ERI1: variants seen among roughly 807,000 people sequenced by gnomAD.
The protein encoded by ERI1 is 3'-5' exoribonuclease 1.
A neutral mutation model predicts 39.7 loss-of-function variants in ERI1; 39 were observed. The ratio of observed to expected loss-of-function variants is 0.98; its 90% CI spans 0.76 to 1.28. ERI1 has a LOEUF of 1.28. ERI1 is among the 50% of genes most tolerant of loss of function. The probability of loss-of-function intolerance (pLI) is 0.00; values close to 1 mark genes in which losing one functional copy is unlikely to be tolerated. For synonymous variants in ERI1, 204 were observed against 149.6 expected (o/e 1.36, Z -2.65); for missense variants, 581 against 416.9 (o/e 1.39, Z -3.43).
At chr8:9,037,165 C>G (rs988959100), downstream of ERI1, among the ~76,000 whole-genome samples, 1 of 152,194 alleles carries the variant, frequency 6.6e-6, no homozygotes, top group Non-Finnish European at 1.5e-5. Flanking sequence ...TGGGATAAAA[C>G]TCAGCTCTCT....
intron 3 of ERI1, among the ~76,000 whole-genome samples, chr8:9,095,317 G>A (rs955348506): frequency 6.6e-6 from 1 of 152,088 alleles, no homozygotes; most frequent in African/African-American, 2.4e-5. Context: ...TAGTGAACAT[G>A]GTACCCAGTA....
intron 3 of ERI1, among the ~76,000 whole-genome samples, chr8:9,041,405 G>A (rs539802866): frequency 1.7e-4 from 26 of 152,294 alleles, no homozygotes; most frequent in Non-Finnish European, 2.9e-4. Flanking sequence ...TCGGCACATG[G>A]AACATTCTCC....
At chr8:9,026,608 C>T (rs1467906529) in intron 6 of ERI1, among the ~76,000 whole-genome samples, 4 of 152,090 alleles carry the variant, frequency 2.6e-5, no homozygotes, top group Admixed American at 6.6e-5. Flanking sequence ...TATTTACGGG[C>T]TGAGTATACC....
At chr8:9,095,482 T>TTTG (rs555655226) in intron 3 of ERI1, among the ~76,000 whole-genome samples, 3 of 132,596 alleles carry the variant, frequency 2.3e-5, no homozygotes, top group South Asian at 5.1e-4. Context: ...GGACAGGTCT[T>TTTG]TTGTTGTTGT....
At chr8:9,071,680 C>A (rs1799056301) in intron 3 of ERI1, among the ~76,000 whole-genome samples, 1 of 152,216 alleles carries the variant, frequency 6.6e-6, no homozygotes, top group South Asian at 2.1e-4. Context: ...ATGGCCGATG[C>A]CTTCCTTTAA....
intron 3 of ERI1, 70 bp from the exon 4 acceptor site, chr8:9,016,252 T>G (rs1817270182): frequency 2.3e-6 from 2 of 860,616 alleles, no homozygotes; most frequent in Admixed American, 2.5e-5. Context: ...TGTGATGAAT[T>G]CGTCGTGTAT....
intron 3 of ERI1, among the ~76,000 whole-genome samples, chr8:9,066,232 T>A (rs1798874652): frequency 6.6e-6 from 1 of 152,166 alleles, no homozygotes; most frequent in African/African-American, 2.4e-5. Context: ...TTTTCTTCAT[T>A]GGGGTTCCCA....
chr8:9,054,376 A>G (rs1435123998), intron 3 of ERI1, among the ~76,000 whole-genome samples: 1 of 151,974 alleles, frequency 6.6e-6, no homozygotes, highest in Non-Finnish European at 1.5e-5. Context: ...TCTTTTTTAT[A>G]CTTCTTACAT....
At chr8:9,022,796 G>A (rs1391409734) in intron 6 of ERI1, among the ~76,000 whole-genome samples, 4 of 152,098 alleles carry the variant, frequency 2.6e-5, no homozygotes, top group Non-Finnish European at 4.4e-5. Context: ...ATAGGTATGA[G>A]TCCTCATGAC....
chr8:9,075,948 G>T (rs1799197466), intron 3 of ERI1, among the ~76,000 whole-genome samples: 1 of 151,738 alleles, frequency 6.6e-6, no homozygotes, highest in Admixed American at 6.6e-5. Context: ...TTTTTTTGGA[G>T]ACAGGGTCTC....
rs528434042 is a variant in ERI1 at position 9,045,620 on chromosome 8, G to A, written n.299+25156G>A. 4.0e-5 allele frequency among the ~76,000 whole-genome samples: 6 copies of A among 151,698 alleles called. No individual in the cohort carries two copies. In the East Asian group the frequency reaches 1.2e-3, roughly 29 times the overall value. On this transcript the variant is annotated intron_variant and non_coding_transcript_variant, in intron 3 of 3. Coordinates refer to the ERI1 transcript ENST00000518663. ...GAGATCAGCCTGGGTAACATAGCAAGACCCCTATTTGTATTAAAATATAAA... is the reference window on the plus strand; with the variant it reads ...GAGATCAGCCTGGGTAACATAGCAAAACCCCTATTTGTATTAAAATATAAA...
chr8:9,019,776 T>A (rs982123366), intron 5 of ERI1, among the ~76,000 whole-genome samples: 1 of 152,208 alleles, frequency 6.6e-6, no homozygotes, highest in Non-Finnish European at 1.5e-5. Context: ...TTGAGGGCTT[T>A]TCTTATTTCC....
At chr8:9,083,792 AT>A (rs943788402) in intron 3 of ERI1, among the ~76,000 whole-genome samples, 5 of 150,976 alleles carry the variant, frequency 3.3e-5, no homozygotes, top group South Asian at 2.1e-4. Flanking sequence ...TGTCTCTATG[AT>A]TTTTTTTTCT....
At chr8:9,081,361 C>T (rs1022528175) in intron 3 of ERI1, among the ~76,000 whole-genome samples, 1 of 152,180 alleles carries the variant, frequency 6.6e-6, no homozygotes, top group African/African-American at 2.4e-5. Context: ...ACAAGATTGG[C>T]TGTGCATTAA....
At position 9,013,046 on chromosome 8, in the gene ERI1, A is replaced by T. The variant is rs138095998; in HGVS notation, c.498+1294A>T. 1.1e-3 allele frequency among the ~76,000 whole-genome samples: 173 copies of T among 151,468 alleles called. 2 individuals are homozygous for T. The highest frequency in any genetic ancestry group is 4.0e-3 in the African/African-American group (164 of 41,218). On this transcript the variant is annotated intron_variant, in intron 3 of 6. Coordinates refer to ENST00000250263, the MANE Select transcript of ERI1 (RefSeq NM_153332.4). ...CTTTTTTTTTTCTTTTTTAAGATAG[A>T]GTCTTGTACCCAGACTTGAGTGCAG... is the stretch of plus-strand genomic sequence containing the variant.
At chr8:9,008,952 T>C (rs1476088409) in intron 2 of ERI1, 4 of 454,184 alleles carry the variant, frequency 8.8e-6, no homozygotes, top group South Asian at 3.1e-5. Context: ...AGCACAAATT[T>C]ATTAATTTCT....
intron 5 of ERI1, among the ~76,000 whole-genome samples, chr8:9,019,437 G>A (rs965599989): frequency 5.9e-5 from 9 of 152,232 alleles, no homozygotes; most frequent in Non-Finnish European, 8.8e-5. Context: ...TGAATGAGCA[G>A]TGCTCTGCTA....
At chr8:9,027,236 C>T (rs926419476) in intron 6 of ERI1, among the ~76,000 whole-genome samples, 4 of 151,252 alleles carry the variant, frequency 2.6e-5, no homozygotes, top group African/African-American at 7.3e-5. Context: ...ATTTGTATTT[C>T]CCTAATGATT....
At chr8:9,029,521 G>C (rs1183521830) in intron 6 of ERI1, among the ~76,000 whole-genome samples, 1 of 152,048 alleles carries the variant, frequency 6.6e-6, no homozygotes, top group Non-Finnish European at 1.5e-5. Context: ...AGAAGAGATG[G>C]GGTGTCACCA....
Sources: gnomAD v4.1 joint callset for allele counts (sites outside exome capture counted in the v4.1 genomes callset) on GRCh38, gnomAD v4.1.1 for gene constraint, MANE v1.5 for transcripts, NCBI Gene and HGNC (gene_info 2026-07-23, HGNC 2026-07-21) for gene names.